COL11A1: variants seen among roughly 807,000 people sequenced by gnomAD.
COL11A1 encodes the protein collagen type XI alpha 1 chain.
In COL11A1, 74 loss-of-function variants were observed where a neutral mutation model predicts 265.2. The ratio of observed to expected loss-of-function variants is 0.28; its 90% confidence interval spans 0.23 to 0.34. The LOEUF is 0.34. Ranked by LOEUF, COL11A1 falls within the 10% of genes least tolerant of loss-of-function variation. COL11A1 has a pLI of 1.00. For missense variants in COL11A1, 2,165 were observed against 2,263.6 expected (o/e 0.96, Z 0.88); for synonymous variants, 816 against 727.6 (o/e 1.12, Z -1.96).
At chr1:102,924,838 C>T (rs1015039098) in intron 46 of COL11A1, among the ~76,000 whole-genome samples, 1 of 151,832 alleles carries the variant, frequency 6.6e-6, no homozygotes, top group African/African-American at 2.4e-5. Flanking sequence ...ATAAAAAATA[C>T]AAATGAATAT....
chr1:102,897,797 C>T (rs527996589), intron 57 of COL11A1, among the ~76,000 whole-genome samples: 2 of 152,150 alleles, frequency 1.3e-5, no homozygotes, highest in East Asian at 3.9e-4. Context: ...AGTGAAATGC[C>T]AGGAAAATAA....
chr1:102,903,446 A>AG (rs150106369), intron 54 of COL11A1, among the ~76,000 whole-genome samples: 13,471 of 152,132 alleles, frequency 0.089, 693 homozygotes, highest in Middle Eastern at 0.13. Flanking sequence ...AAGATATTAT[A>AG]AAAAAAATTG....
intron 20 of COL11A1, among the ~76,000 whole-genome samples, chr1:103,004,018 T>G (rs1324047560): frequency 6.6e-6 from 1 of 152,174 alleles, no homozygotes; most frequent in East Asian, 1.9e-4. Context: ...CCCAGATCAG[T>G]TTCCTCATTT....
chr1:103,086,660 C>A (rs906329358), intron 1 of COL11A1, among the ~76,000 whole-genome samples: 3 of 152,140 alleles, frequency 2.0e-5, no homozygotes, highest in African/African-American at 7.2e-5. Flanking sequence ...TCCTGATCCG[C>A]CCGCCTCGGC....
At chr1:103,025,489 G>T (rs1380552159) in intron 7 of COL11A1, 32 bp downstream of exon 7, 7 of 1,382,878 alleles carry the variant, frequency 5.1e-6, no homozygotes, top group African/African-American at 1.4e-5. Context: ...TAAAAAGTGG[G>T]ACTGTGATTT....
chr1:103,071,996 G>A (rs1011191534), intron 4 of COL11A1, among the ~76,000 whole-genome samples: 1 of 151,366 alleles, frequency 6.6e-6, no homozygotes. Flanking sequence ...CTGATATAGA[G>A]TAATTATATA....
chr1:103,003,636 A>G (rs902293732), intron 20 of COL11A1, among the ~76,000 whole-genome samples: 10 of 152,208 alleles, frequency 6.6e-5, no homozygotes, highest in Non-Finnish European at 1.5e-4. Context: ...CTACATAAAT[A>G]GAAGAGTCTT....
intron 4 of COL11A1, among the ~76,000 whole-genome samples, chr1:103,065,543 A>AAAAAAAAAAAC (rs1671055832): frequency 8.3e-6 from 1 of 121,068 alleles, no homozygotes; most frequent in East Asian, 2.4e-4. Flanking sequence ...AAAAAAAAAA[A>AAAAAAAAAAAC]AAAAGAAAGC....
intron 5 of COL11A1, 77 bp from the exon 6 acceptor site, chr1:103,026,409 C>A: frequency 1.1e-6 from 1 of 918,114 alleles, no homozygotes; most frequent in Non-Finnish European, 1.8e-6. Flanking sequence ...ACCATCTTAA[C>A]TTTTACATAG....
At chr1:103,021,249 G>T (rs921616901) in intron 9 of COL11A1, among the ~76,000 whole-genome samples, 1 of 151,466 alleles carries the variant, frequency 6.6e-6, no homozygotes, top group African/African-American at 2.4e-5. Context: ...TGAAAAGGAA[G>T]TAAAAAATAT....
At chr1:103,022,288 A>T (rs1314445377) in intron 8 of COL11A1, among the ~76,000 whole-genome samples, 1 of 152,180 alleles carries the variant, frequency 6.6e-6, no homozygotes, top group Non-Finnish European at 1.5e-5. Flanking sequence ...CATAAGAAGC[A>T]TTAATACTGA....
intron 54 of COL11A1, among the ~76,000 whole-genome samples, chr1:102,909,830 G>T (rs979092245): frequency 6.6e-6 from 1 of 151,844 alleles, no homozygotes; most frequent in Non-Finnish European, 1.5e-5. Context: ...AGGAGTCTGA[G>T]TTATTCACTA....
At chr1:102,955,114 G>A (rs1457414356) in intron 41 of COL11A1, among the ~76,000 whole-genome samples, 1 of 152,136 alleles carries the variant, frequency 6.6e-6, no homozygotes, top group East Asian at 1.9e-4. Flanking sequence ...GGTCACAATG[G>A]AGAAAATGGA....
At chr1:103,027,245 C>A (rs902724832) in intron 5 of COL11A1, among the ~76,000 whole-genome samples, 2 of 150,188 alleles carry the variant, frequency 1.3e-5, no homozygotes, top group Non-Finnish European at 3.0e-5. Flanking sequence ...GTGCTCAAAT[C>A]CAAAGCTCAA....
chr1:102,974,456 T>C (rs892635673), intron 36 of COL11A1, among the ~76,000 whole-genome samples: 2 of 152,134 alleles, frequency 1.3e-5, no homozygotes, highest in African/African-American at 2.4e-5. Flanking sequence ...TAGGAAGTGA[T>C]ATTTGAAGAA....
At chr1:102,970,196 A>G in intron 37 of COL11A1, 23 bp downstream of exon 37, 1 of 1,608,264 alleles carries the variant, frequency 6.2e-7, no homozygotes, top group Non-Finnish European at 8.5e-7. Context: ...GAAATTTTTA[A>G]TAAGAGTAAC....
At chr1:102,906,252 T>C (rs1349409717) in intron 54 of COL11A1, among the ~76,000 whole-genome samples, 1 of 152,168 alleles carries the variant, frequency 6.6e-6, no homozygotes, top group East Asian at 1.9e-4. Context: ...TTATCCCAAG[T>C]CACATTTTTA....
intron 46 of COL11A1, among the ~76,000 whole-genome samples, chr1:102,931,003 C>G (rs927228672): frequency 7.4e-5 from 11 of 149,360 alleles, no homozygotes; most frequent in African/African-American, 2.4e-4. Context: ...ATTAGTCTTG[C>G]TAGGGGTCTA....
intron 38 of COL11A1, among the ~76,000 whole-genome samples, chr1:102,964,811 T>C (rs1661253453): frequency 6.6e-6 from 1 of 152,310 alleles, no homozygotes; most frequent in South Asian, 2.1e-4. Context: ...CTAAATGTGT[T>C]CTGCCCATTC....
Sources: allele counts gnomAD v4.1 joint callset (sites outside exome capture counted in the v4.1 genomes callset), GRCh38; gene constraint gnomAD v4.1.1; transcripts MANE v1.5; gene names NCBI Gene and HGNC (gene_info 2026-07-23, HGNC 2026-07-21).